Variants in ROGDI observed in about 807,000 individuals in gnomAD.
ROGDI encodes the protein rogdi atypical leucine zipper, also known as protein rogdi homolog.
In ROGDI, 46 loss-of-function variants were observed where a neutral mutation model predicts 43.1. That is an observed-to-expected ratio of 1.07 (90% confidence interval 0.84 to 1.37). ROGDI has a LOEUF of 1.37. Ranked by LOEUF, ROGDI falls within the 40% of genes most tolerant of loss-of-function variation. ROGDI has a pLI of 0.00. For synonymous variants in ROGDI, 243 were observed against 162.0 expected (o/e 1.50, Z -3.80); for missense variants, 518 against 383.9 (o/e 1.35, Z -2.92).
rs8118 is a variant in ROGDI at position 4,797,168 on chromosome 16, G to T, written c.*292C>A. ...AAGGGGAGAGGAGGGAGAGCCCTGCGCCTGGCCCTGTCCTGAGTCCAAAGA... is the reference window on the plus strand; with the variant it reads ...AAGGGGAGAGGAGGGAGAGCCCTGCTCCTGGCCCTGTCCTGAGTCCAAAGA... On this transcript the variant is annotated 3_prime_UTR_variant, in exon 11 of 11. Coordinates refer to ENST00000322048, the MANE Select transcript of ROGDI (RefSeq NM_024589.3). The T allele has an allele frequency of 2.7e-6, 1 of 366,190 alleles. No individual in the cohort carries two copies. Among genetic ancestry groups the T allele is most frequent in the Non-Finnish European group, 5.1e-6 (1 of 197,754 alleles). 22.7% of individuals were successfully genotyped at this position (366,190 alleles called of 1,614,324 possible). A position where few individuals can be genotyped will look rare whatever the true frequency, so the allele number is the denominator to read the frequency against.
In ROGDI at chr16:4,799,797, A is replaced by T. The variant is rs2141909472; in HGVS notation, c.337-16T>A. ...CATCCTGGATCTGGAAGCAGGGGTCATCCAGAGGGGTCACGCCAGCTTCCA... is the reference window on the plus strand; with the variant it reads ...CATCCTGGATCTGGAAGCAGGGGTCTTCCAGAGGGGTCACGCCAGCTTCCA... On this transcript the variant is annotated splice_polypyrimidine_tract_variant and intron_variant, in intron 5 of 10. Transcript: ENST00000322048. 1.3e-6 allele frequency: 2 copies of T among 1,594,222 alleles called. No homozygotes were observed. Among genetic ancestry groups the T allele is most frequent in the Non-Finnish European group, 1.7e-6 (2 of 1,163,030 alleles).
chr16:4,801,457 C>T lies in ROGDI; in HGVS notation c.200+46G>A, dbSNP rs749230092. The T allele has an allele frequency of 2.5e-6, 4 of 1,577,784 alleles. No homozygotes were observed. In the Admixed American group the frequency reaches 7.4e-5, roughly 29 times the overall value. ...ACAGGGCTATGGCCATGCCTCCTAC[C>T]CCCCAAGGTACCCATTTCCCCGGTT... On this transcript the variant is annotated intron_variant, in intron 3 of 10. Transcript: ENST00000322048.
Position 4,797,350 on chromosome 16 carries a change from G to A in ROGDI, c.*110C>T, listed in dbSNP as rs942816377. 5.4e-6 allele frequency: 5 copies of A among 925,580 alleles called. No individual in the cohort carries two copies. Among genetic ancestry groups the A allele is most frequent in the Non-Finnish European group, 8.3e-6 (5 of 600,788 alleles). The allele number at this position is 925,580 out of a possible 1,614,324, so 57.3% of individuals were successfully genotyped here. ...AAATGTGTTAGGTGGGGTAGGGGGT[G>A]GGATAGGGAGATAAATAGCAGCCTG... is the stretch of plus-strand genomic sequence containing the variant. On this transcript the variant is annotated 3_prime_UTR_variant, in exon 11 of 11. Transcript: ENST00000322048.
Position 4,797,755 on chromosome 16 carries a change from A to G in ROGDI, c.781T>C (p.Phe261Leu), listed in dbSNP as rs371511979. 52 of 1,557,322 alleles carry G rather than the reference A, an allele frequency of 3.3e-5. No individual in the cohort carries two copies. In the African/African-American group the frequency reaches 3.9e-4, roughly 12 times the overall value. Reference protein sequence around the residue: ...IPWLNDALVYFTVSLQLCQQL... With the variant: ...IPWLNDALVYLTVSLQLCQQL... ...TGGCAGAGCTGCAGGGAGACGGTGA[A>G]GTAGACCAGGGCGTCGTTGAGCCAG... Residue 261 changes from phenylalanine (F) to leucine (L), a missense_variant, in exon 10 of 11, where the codon TTC becomes CTC. Transcript: ENST00000322048.
In ROGDI at chr16:4,797,000, C is replaced by G. The variant is rs1171888501; in HGVS notation, c.*460G>C. Reference sequence around the variant, plus strand: ...TGATGATCTTTATTTCTTAGACAGCCCTGGACTGGGGCTATGAAACACAGT... The same window carrying G: ...TGATGATCTTTATTTCTTAGACAGCGCTGGACTGGGGCTATGAAACACAGT... On this transcript the variant is annotated 3_prime_UTR_variant, in exon 11 of 11. Coordinates refer to ENST00000322048, the MANE Select transcript of ROGDI (RefSeq NM_024589.3). 2 of 161,850 alleles carry G rather than the reference C, an allele frequency of 1.2e-5. No individual in the cohort carries two copies. The highest frequency in any genetic ancestry group is 1.2e-4 in the Admixed American group (2 of 17,316). The allele number at this position is 161,850 out of a possible 1,614,324, so 10.0% of individuals were successfully genotyped here.
At position 4,797,178 on chromosome 16, in the gene ROGDI, G is replaced by T; in HGVS notation, c.*282C>A. ...GAGGGAGAGCCCTGCGCCTGGCCCT[G>T]TCCTGAGTCCAAAGATTCCCATGGT... On this transcript the variant is annotated 3_prime_UTR_variant, in exon 11 of 11. Coordinates refer to ENST00000322048, the MANE Select transcript of ROGDI (RefSeq NM_024589.3). The T allele has an allele frequency of 2.4e-6, 1 of 413,020 alleles. No individual in the cohort carries two copies. The highest frequency in any genetic ancestry group is 4.4e-6 in the Non-Finnish European group (1 of 225,150). 25.6% of individuals were successfully genotyped at this position (413,020 alleles called of 1,614,324 possible).
rs1596273677 is a variant in ROGDI, at chr16:4,797,200, T to C, written c.*260A>G. 1 of 440,548 alleles carries C rather than the reference T, an allele frequency of 2.3e-6. No homozygotes were observed. Among genetic ancestry groups the C allele is most frequent in the South Asian group, 2.8e-5 (1 of 36,108 alleles). The allele number at this position is 440,548 out of a possible 1,614,324, so 27.3% of individuals were successfully genotyped here. A position where few individuals can be genotyped will look rare whatever the true frequency, so the allele number is the denominator to read the frequency against. ...CCTGTCCTGAGTCCAAAGATTCCCA[T>C]GGTGATCAGAGGGCGGTGTTGGGAA... On this transcript the variant is annotated 3_prime_UTR_variant, in exon 11 of 11. Coordinates refer to ENST00000322048, the MANE Select transcript of ROGDI (RefSeq NM_024589.3).
Position 4,802,566 on chromosome 16 carries a change from G to A in ROGDI, c.6C>T (p.Ala2=), listed in dbSNP as rs781663118. 5 of 1,301,834 alleles carry A rather than the reference G, an allele frequency of 3.8e-6. No individual in the cohort carries two copies. The highest frequency in any genetic ancestry group is 4.2e-5 in the South Asian group (2 of 47,106). The allele number at this position is 1,301,834 out of a possible 1,614,324, so 80.6% of individuals were successfully genotyped here. A position where few individuals can be genotyped will look rare whatever the true frequency, so the allele number is the denominator to read the frequency against. M[A]TVMAATAAER... is the part of the protein sequence containing the mutation. ...CCGCCGCCGTCGCTGCCATCACGGT[G>A]GCCATGGCCGCAGGCCGCCGCCGAG... Residue 2 remains alanine (A), a synonymous_variant, in exon 1 of 11, where the codon GCC becomes GCT. Coordinates refer to ENST00000322048, the MANE Select transcript of ROGDI (RefSeq NM_024589.3).
intron 2 of ROGDI, chr16:4,802,006 T>C (rs2082732234): frequency 1.7e-6 from 1 of 578,114 alleles, no homozygotes; most frequent in Non-Finnish European, 3.3e-6. Flanking sequence ...AAGCGGGTAC[T>C]GTTATCTCCC....
At chr16:4,801,894 A>G (rs1439589057) in intron 2 of ROGDI, 5 of 570,770 alleles carry the variant, frequency 8.8e-6, no homozygotes, top group Non-Finnish European at 1.3e-5. Context: ...GTCAGGGAAC[A>G]AGGCAGTAGT....
At chr16:4,801,435 G>A (rs2082716446) in intron 3 of ROGDI, 68 bp downstream of exon 3, 2 of 1,569,004 alleles carry the variant, frequency 1.3e-6, no homozygotes, top group African/African-American at 1.3e-5. Context: ...CTGCAGGACA[G>A]GGCTATGGCC....
chr16:4,799,852 C>T, intron 5 of ROGDI, 71 bp from the exon 6 acceptor site: 1 of 1,076,042 alleles, frequency 9.3e-7, no homozygotes, highest in South Asian at 1.4e-5. Context: ...TGGGTGCTGC[C>T]TGCCTGCCCC....
chr16:4,798,256 C>T, intron 7 of ROGDI, 72 bp from the exon 8 acceptor site: 1 of 1,279,858 alleles, frequency 7.8e-7, no homozygotes. Flanking sequence ...GCTCTGCAGT[C>T]ACTCATGGAG....
At position 4,797,952 on chromosome 16, in the gene ROGDI, G is replaced by A. The variant is rs2082673176; in HGVS notation, c.681C>T (p.Ser227=). 1 of 1,604,664 alleles carries A rather than the reference G, an allele frequency of 6.2e-7. No homozygotes were observed. The highest frequency in any genetic ancestry group is 8.5e-7 in the Non-Finnish European group (1 of 1,174,190). The change falls in exon 9 of 11, where the codon AGC becomes AGT. Residue 227 remains serine, a synonymous_variant. Coordinates refer to ENST00000322048, the MANE Select transcript of ROGDI (RefSeq NM_024589.3). ...FRPAGGAVLH[S]PGAMFEWGSQ... ...TGCCTACTTACAACATGGCCCCAGG[G>A]CTATGCAGCACCGCGCCCCCAGCTG...
rs766718622 is a variant in ROGDI at position 4,801,523 on chromosome 16, G to A, written c.180C>T (p.Asn60=). 5 of 1,606,814 alleles carry A rather than the reference G, an allele frequency of 3.1e-6. No homozygotes were observed. The highest frequency in any genetic ancestry group is 4.2e-6 in the Non-Finnish European group (5 of 1,176,908). Residue 60 remains asparagine (N), a synonymous_variant, in exon 3 of 11, where the codon AAC becomes AAT. Transcript: ENST00000322048. ...CTCACCCACAGCTGCCTAGGATGAA[G>A]TTCTCTTGCTTGGCGGGCCCCTCAG... ...SGTEGPAKQE[N]FILGSCGTDQ...
At chr16:4,801,896 G>A in intron 2 of ROGDI, 2 of 576,742 alleles carry the variant, frequency 3.5e-6, no homozygotes, top group South Asian at 3.7e-5. Context: ...CAGGGAACAA[G>A]GCAGTAGTTA....
At chr16:4,797,879 C>G in intron 9 of ROGDI, 39 bp from the exon 10 acceptor site, 2 of 1,607,326 alleles carry the variant, frequency 1.2e-6, no homozygotes, top group Non-Finnish European at 1.7e-6. Context: ...GGGTCCCGGC[C>G]CTCCAGGTGT....
chr16:4,798,806 TA>T (rs3214843), intron 6 of ROGDI, 139 bp from the exon 7 acceptor site: 1 of 688,236 alleles, frequency 1.5e-6, no homozygotes, highest in East Asian at 2.8e-5. Flanking sequence ...AGGGACCTGT[TA>T]AAGACAGGTA....
Position 4,800,737 on chromosome 16 carries a change from G to C in ROGDI, c.256-159C>G, listed in dbSNP as rs967337947. ...CTCCCAATGCCTTGGCCGTTTGGGG[G>C]TTGAACAGGGAGGTCAGGAAACAGG... On this transcript the variant is annotated intron_variant, in intron 4 of 10. Transcript: ENST00000322048. The C allele has an allele frequency of 1.1e-5, 7 of 612,962 alleles. 1 individual carries two copies. The highest frequency in any genetic ancestry group is 2.0e-5 in the Non-Finnish European group (7 of 344,912). 38.0% of individuals were successfully genotyped at this position (612,962 alleles called of 1,614,324 possible).
Sources: gnomAD v4.1 joint callset for allele counts on GRCh38, gnomAD v4.1.1 for gene constraint, MANE v1.5 for transcripts, NCBI Gene and HGNC (gene_info 2026-07-23, HGNC 2026-07-21) for gene names.